The following PDE1A variants were observed in gnomAD, a reference collection of about 807,000 sequenced individuals.
PDE1A encodes the protein phosphodiesterase 1A.
Under a neutral mutation model 61.7 loss-of-function variants are expected in PDE1A, and 35 were observed. That is an observed-to-expected ratio of 0.57 (90% CI 0.43 to 0.75). PDE1A has a LOEUF of 0.75. Among genes scored for constraint, PDE1A ranks in the 30% least tolerant of loss-of-function variants. PDE1A has a pLI of 0.00. For missense variants in PDE1A, 597 were observed against 630.6 expected, an observed-to-expected ratio of 0.95 and a Z score of 0.57; for synonymous variants, 232 against 213.2, an observed-to-expected ratio of 1.09 and a Z score of -0.77.
At chr2:182,252,434 G>A (rs1234702318) in intron 2 of PDE1A, among the ~76,000 whole-genome samples, 1 of 152,130 alleles carries the variant, frequency 6.6e-6, no homozygotes, top group East Asian at 1.9e-4. Context: ...CCTACCTGAA[G>A]GAGGGAAAAA....
chr2:182,412,460 A>C (rs1388510638), intron 1 of PDE1A, among the ~76,000 whole-genome samples: 3 of 152,222 alleles, frequency 2.0e-5, no homozygotes, highest in Non-Finnish European at 4.4e-5. Flanking sequence ...TTCTTTATCC[A>C]TAATATGGGG....
intron 2 of PDE1A, among the ~76,000 whole-genome samples, chr2:182,260,912 A>G (rs1296067608): frequency 6.6e-6 from 1 of 151,778 alleles, no homozygotes; most frequent in African/African-American, 2.4e-5. Context: ...CCCTAATCCA[A>G]CTCTTCAACT....
At chr2:182,491,453 G>C (rs1040579102) in intron 2 of PDE1A, among the ~76,000 whole-genome samples, 1 of 152,142 alleles carries the variant, frequency 6.6e-6, no homozygotes, top group African/African-American at 2.4e-5. Flanking sequence ...ACAAAGAATT[G>C]GAGGTCCCAG....
At chr2:182,256,038 C>CTTTTTTTT (rs755211798) in intron 2 of PDE1A, among the ~76,000 whole-genome samples, 3 of 92,336 alleles carry the variant, frequency 3.2e-5, no homozygotes, top group Non-Finnish European at 6.4e-5. Context: ...AGGATGACTT[C>CTTTTTTTT]TTTTTTTTTT....
At chr2:182,147,221 G>C in intron 13 of PDE1A, 69 bp from the exon 14 acceptor site, 1 of 816,824 alleles carries the variant, frequency 1.2e-6, no homozygotes. Flanking sequence ...ATAAGGTTAG[G>C]AGACTGAAGA....
chr2:182,522,527 A>T, intron 1 of PDE1A: 1 of 1,452,266 alleles, frequency 6.9e-7, no homozygotes, highest in Non-Finnish European at 9.1e-7. Context: ...AGACTCTGAC[A>T]GATTTGCTAT....
intron 2 of PDE1A, among the ~76,000 whole-genome samples, chr2:182,502,903 A>T (rs1689167902): frequency 6.6e-6 from 1 of 152,156 alleles, no homozygotes; most frequent in Non-Finnish European, 1.5e-5. Context: ...AAATAGGCAC[A>T]TTATTACCTT....
chr2:182,449,808 T>A (rs182860061), intron 2 of PDE1A, among the ~76,000 whole-genome samples: 1 of 152,202 alleles, frequency 6.6e-6, no homozygotes, highest in Non-Finnish European at 1.5e-5. Flanking sequence ...CTCACCTTCA[T>A]ATTACTAAAA....
chr2:182,218,923 T>C (rs925472148), intron 7 of PDE1A, among the ~76,000 whole-genome samples: 7 of 152,102 alleles, frequency 4.6e-5, no homozygotes, highest in African/African-American at 1.4e-4. Flanking sequence ...ATACTCTAGA[T>C]ATATCAAAGT....
intron 7 of PDE1A, among the ~76,000 whole-genome samples, chr2:182,213,958 C>T (rs1574728785): frequency 7.8e-6 from 1 of 127,550 alleles, no homozygotes; most frequent in Non-Finnish European, 1.7e-5. Flanking sequence ...CTCCAAGACA[C>T]ATAATTGTCA....
chr2:182,240,185 G>A (rs924187135), exon 3 of PDE1A: 1 of 1,613,664 alleles, frequency 6.2e-7, no homozygotes, highest in South Asian at 1.1e-5. Context: ...TTTCTTTTTT[G>A]TCATCCCCAT....
the PDE1A span, among the ~76,000 whole-genome samples, chr2:182,677,192 C>A: frequency 6.6e-6 from 1 of 152,176 alleles, no homozygotes; most frequent in African/African-American, 2.4e-5. Flanking sequence ...GCTCCTGCAG[C>A]TGATAAACAA....
chr2:182,222,806 G>C (rs943044195), intron 7 of PDE1A, among the ~76,000 whole-genome samples: 4 of 151,984 alleles, frequency 2.6e-5, no homozygotes, highest in African/African-American at 7.2e-5. Flanking sequence ...AGAGACATCA[G>C]CTCTTAACAT....
chr2:182,270,510 C>CA (rs1452947951), intron 1 of PDE1A, among the ~76,000 whole-genome samples: 1 of 151,590 alleles, frequency 6.6e-6, no homozygotes, highest in Non-Finnish European at 1.5e-5. Context: ...TTTTAGGATA[C>CA]AAAATACCCA....
intron 2 of PDE1A, among the ~76,000 whole-genome samples, chr2:182,440,898 C>T (rs1170241685): frequency 6.6e-6 from 1 of 151,954 alleles, no homozygotes; most frequent in African/African-American, 2.4e-5. Flanking sequence ...TAATAACAGT[C>T]TTCCTTCAGT....
chr2:182,250,340 A>G (rs1691305645), intron 2 of PDE1A, among the ~76,000 whole-genome samples: 1 of 152,234 alleles, frequency 6.6e-6, no homozygotes, highest in African/African-American at 2.4e-5. Flanking sequence ...TCTGGATGAC[A>G]AAATTTCAGG....
intron 1 of PDE1A, among the ~76,000 whole-genome samples, chr2:182,394,579 A>G (rs1298521505): frequency 6.6e-6 from 1 of 152,096 alleles, no homozygotes; most frequent in Non-Finnish European, 1.5e-5. Context: ...TCGAGCTGAC[A>G]TTGATTCCAG....
chr2:182,472,711 T>TA (rs1283118471), intron 2 of PDE1A, among the ~76,000 whole-genome samples: 2 of 151,766 alleles, frequency 1.3e-5, no homozygotes, highest in Non-Finnish European at 2.9e-5. Context: ...TATATACAAA[T>TA]AAAAAAGCTC....
chr2:182,490,423 G>A (rs769464867), intron 2 of PDE1A, among the ~76,000 whole-genome samples: 2 of 152,176 alleles, frequency 1.3e-5, no homozygotes, highest in Non-Finnish European at 2.9e-5. Context: ...CCAGGCTGGA[G>A]TGCAATGGCT....
Sources: allele counts gnomAD v4.1 joint callset (sites outside exome capture counted in the v4.1 genomes callset), GRCh38; gene constraint gnomAD v4.1.1; transcripts MANE v1.5; gene names NCBI Gene and HGNC (gene_info 2026-07-23, HGNC 2026-07-21).